Variants in SLC39A3 observed in about 807,000 individuals in gnomAD.
SLC39A3 encodes zinc transporter ZIP3.
Under a neutral mutation model 5.1 loss-of-function variants are expected in SLC39A3, and 3 were observed. The ratio of observed to expected loss-of-function variants is 0.59; its 90% CI spans 0.27 to 1.54. The LOEUF (loss-of-function observed/expected upper bound fraction) is 1.54, where lower values mean the gene tolerates loss of function less well. Among genes scored for constraint, SLC39A3 ranks in the 40% most tolerant of loss-of-function variants. The probability of loss-of-function intolerance (pLI) is 0.12; values close to 1 mark genes in which losing one functional copy is unlikely to be tolerated. For synonymous variants in SLC39A3, 250 were observed against 218.8 expected, an observed-to-expected ratio of 1.14 and a Z score of -1.26; for missense variants, 412 against 436.4, an observed-to-expected ratio of 0.94 and a Z score of 0.50.
chr19:2,732,644 C>T lies in SLC39A3; in HGVS notation c.*107G>A. The T allele has an allele frequency of 7.0e-7, 1 of 1,428,310 alleles. No homozygotes were observed. The highest frequency in any genetic ancestry group is 9.2e-7 in the Non-Finnish European group (1 of 1,092,598). The allele number at this position is 1,428,310 out of a possible 1,614,324, so 88.5% of individuals were successfully genotyped here. A position where few individuals can be genotyped will look rare whatever the true frequency, so the allele number is the denominator to read the frequency against. On this transcript the variant is annotated 3_prime_UTR_variant, in exon 3 of 3. Transcript: ENST00000269740. Reference sequence around the variant, plus strand: ...GGCCCCTTGTGCACAGGTGGTGGCCCAGGGCCACAGTGCTCGCTCTTGGGG... The same window carrying T: ...GGCCCCTTGTGCACAGGTGGTGGCCTAGGGCCACAGTGCTCGCTCTTGGGG...
In SLC39A3 at chr19:2,732,746, G is replaced by T; in HGVS notation, c.*5C>A. ...CTCCGGCGGCAGGGACAATGGCGAGGCCGCTCACCACTTGAGGAAGACCAT... is the reference window on the plus strand; with the variant it reads ...CTCCGGCGGCAGGGACAATGGCGAGTCCGCTCACCACTTGAGGAAGACCAT... On this transcript the variant is annotated 3_prime_UTR_variant, in exon 3 of 3. Transcript: ENST00000269740. 1 of 1,542,772 alleles carries T rather than the reference G, an allele frequency of 6.5e-7. No homozygotes were observed. The highest frequency in any genetic ancestry group is 1.2e-5 in the South Asian group (1 of 80,892).
rs770099377 is a variant in SLC39A3 at position 2,733,214 on chromosome 19, C to T, written c.482G>A (p.Gly161Asp). 2.1e-5 allele frequency: 33 copies of T among 1,607,466 alleles called. No homozygotes were observed. Among genetic ancestry groups the T allele is most frequent in the Admixed American group, 5.0e-5 (3 of 59,512 alleles). The change falls in exon 3 of 3, where the codon GGC becomes GAC. Residue 161 changes from glycine (G) to aspartate (D), a missense_variant. By Grantham distance (94) the Gly-to-Asp change is moderately conservative (BLOSUM62 -1). Coordinates refer to ENST00000269740, the MANE Select transcript of SLC39A3 (RefSeq NM_144564.5). The surrounding 1 kb of genome is among the most constrained non-coding windows in gnomAD (Gnocchi z 6.1). ...GCGCACGGGGCTGGCGCGCGAGAGG[C>T]CCTGCACGCTCAGGCTGGGGCCGTG... Reference protein sequence around the residue: ...HGHGPSLSVQGLSRASPVRLL... With the variant: ...HGHGPSLSVQDLSRASPVRLL...
At position 2,737,314 on chromosome 19, in the gene SLC39A3, C is replaced by A; in HGVS notation, c.-57G>T. The A allele has an allele frequency of 6.5e-7, 1 of 1,529,850 alleles. No homozygotes were observed. The highest frequency in any genetic ancestry group is 8.8e-7 in the Non-Finnish European group (1 of 1,133,940). 94.8% of individuals were successfully genotyped at this position (1,529,850 alleles called of 1,614,324 possible). A position where few individuals can be genotyped will look rare whatever the true frequency, so the allele number is the denominator to read the frequency against. The stretch of plus-strand genomic sequence containing the variant: ...GGGCCAAACCATCTGTGGGCGCACA[C>A]CCAAGTCCCACGATGTGCTACCGAG... On this transcript the variant is annotated 5_prime_UTR_variant, in exon 2 of 3. Coordinates refer to ENST00000269740, the MANE Select transcript of SLC39A3 (RefSeq NM_144564.5).
rs1276284924 is a variant in SLC39A3, at chr19:2,740,016, A to C, written c.-194T>G. 4 of 151,818 alleles carry C rather than the reference A, an allele frequency of 2.6e-5. No individual in the cohort carries two copies. The highest frequency in any genetic ancestry group is 9.7e-5 in the African/African-American group (4 of 41,276). 9.4% of individuals were successfully genotyped at this position (151,818 alleles called of 1,614,324 possible). ...CGGCCGCGCAGTCTCGACCCCACAGACGCGGCCCGGAGAGGCCCCGCTCGG... is the reference window on the plus strand; with the variant it reads ...CGGCCGCGCAGTCTCGACCCCACAGCCGCGGCCCGGAGAGGCCCCGCTCGG... On this transcript the variant is annotated 5_prime_UTR_variant, in exon 1 of 3. Coordinates refer to ENST00000269740, the MANE Select transcript of SLC39A3 (RefSeq NM_144564.5).
At chr19:2,738,132 G>C (rs1268177589) in intron 1 of SLC39A3, among the ~76,000 whole-genome samples, 1 of 146,052 alleles carries the variant, frequency 6.8e-6, no homozygotes, top group African/African-American at 2.6e-5. Context: ...CCAGGAGGCA[G>C]AGGTTGCAGT....
rs376600938 is a variant in SLC39A3 at position 2,733,370 on chromosome 19, C to A, written c.326G>T (p.Arg109Leu). The part of the protein sequence containing the change: ...VFLEQLILTF[R>L]KEKPSFIDLE... The stretch of plus-strand genomic sequence containing the variant: ...GTCGATGAAGGACGGCTTCTCCTTG[C>A]GGAAGGTCAGGATCAGCTGCTCCAG... The change falls in exon 3 of 3, where the codon CGC becomes CTC. Residue 109 changes from arginine (R) to leucine (L), a missense_variant. Transcript: ENST00000269740. The surrounding 1 kb of genome is among the most constrained non-coding windows in gnomAD (Gnocchi z 6.1). 1.2e-6 allele frequency: 2 copies of A among 1,613,236 alleles called. No individual in the cohort carries two copies. The highest frequency in any genetic ancestry group is 1.7e-6 in the Non-Finnish European group (2 of 1,180,024).
rs35127617 is a variant in SLC39A3 at position 2,737,142 on chromosome 19, C to T, written c.116G>A (p.Arg39His). The T allele has an allele frequency of 4.3e-6, 7 of 1,614,018 alleles. No homozygotes were observed. The highest frequency in any genetic ancestry group is 2.2e-5 in the East Asian group (1 of 44,888). Residue 39 changes from arginine to histidine, a missense_variant, in exon 2 of 3, where the codon CGC becomes CAC. Coordinates refer to ENST00000269740, the MANE Select transcript of SLC39A3 (RefSeq NM_144564.5). ...IIETDFEKAH[R>H]SKKILSLCNT... ...GCAGAGAGAGAGGATCTTTTTCGAG[C>T]GATGGGCCTTCTCAAAATCTGTCTC...
chr19:2,737,381 T>A lies in SLC39A3; in HGVS notation c.-122-2A>T, dbSNP rs1194829460. On this transcript the variant is annotated splice_acceptor_variant, in intron 1 of 2. Transcript: ENST00000269740. LOFTEE classifies it low-confidence loss of function (5UTR_SPLICE). Reference sequence around the variant, plus strand: ...GAGGCTCATGTCTCAGTCCAGCAACTGTGAACATCAGGGGCACTGCATTAG... The same window carrying A: ...GAGGCTCATGTCTCAGTCCAGCAACAGTGAACATCAGGGGCACTGCATTAG... The A allele has an allele frequency of 3.4e-6, 5 of 1,456,630 alleles. No homozygotes were observed. Among genetic ancestry groups the A allele is most frequent in the Non-Finnish European group, 4.5e-6 (5 of 1,099,702 alleles). 90.2% of individuals were successfully genotyped at this position (1,456,630 alleles called of 1,614,324 possible).
rs938432897 is a variant in SLC39A3, at chr19:2,734,186, C to T, written c.211-701G>A. On this transcript the variant is annotated intron_variant, in intron 2 of 2. Coordinates refer to ENST00000269740, the MANE Select transcript of SLC39A3 (RefSeq NM_144564.5). The surrounding 1 kb of genome is among the most constrained non-coding windows in gnomAD (Gnocchi z 4.6). ...GCGGACACGCAGGCATTAGGCTATGCGCCAGGATGAAATGTCTCATGAAAG... is the reference window on the plus strand; with the variant it reads ...GCGGACACGCAGGCATTAGGCTATGTGCCAGGATGAAATGTCTCATGAAAG... 3.3e-5 allele frequency among the ~76,000 whole-genome samples: 5 copies of T among 152,222 alleles called. No individual in the cohort carries two copies. The highest frequency in any genetic ancestry group is 4.1e-4 in the South Asian group (2 of 4,832).
rs1251741628 is a variant in SLC39A3 at position 2,733,213 on chromosome 19, G to A, written c.483C>T (p.Gly161=). The change falls in exon 3 of 3, where the codon GGC becomes GGT. Residue 161 remains glycine (G), a synonymous_variant. Transcript: ENST00000269740. The surrounding 1 kb of genome is among the most constrained non-coding windows in gnomAD (Gnocchi z 6.1). ...HGHGPSLSVQ[G]LSRASPVRLL... ...GGCGCACGGGGCTGGCGCGCGAGAG[G>A]CCCTGCACGCTCAGGCTGGGGCCGT... 1.2e-6 allele frequency: 2 copies of A among 1,607,770 alleles called. No individual in the cohort carries two copies. Among genetic ancestry groups the A allele is most frequent in the East Asian group, 2.2e-5 (1 of 44,736 alleles).
chr19:2,737,408 T>C, intron 1 of SLC39A3, 29 bp from the exon 2 acceptor site: 1 of 1,379,688 alleles, frequency 7.2e-7, no homozygotes, highest in Non-Finnish European at 9.6e-7. Context: ...CTGCATTAGC[T>C]TTCTTTCTTT....
At chr19:2,738,756 G>C (rs1463024033) in intron 1 of SLC39A3, among the ~76,000 whole-genome samples, 2 of 152,078 alleles carry the variant, frequency 1.3e-5, no homozygotes, top group Admixed American at 1.3e-4. Flanking sequence ...GGCCAACACA[G>C]TGAAACACTG....
In SLC39A3 at chr19:2,735,133, CG is replaced by C. The variant is rs1914320828; in HGVS notation, c.211-1649del. 1.3e-5 allele frequency: 13 copies of C among 985,148 alleles called. No individual in the cohort carries two copies. The South Asian group carries it at 5.2e-4, about 39-fold the overall frequency. 61.0% of individuals were successfully genotyped at this position (985,148 alleles called of 1,614,324 possible). ...GCCCAGGCCTGCAGTCAGAGGGTGACGGGGGTGACACCATGACCATGGGGGA... is the reference window on the plus strand; with the variant it reads ...GCCCAGGCCTGCAGTCAGAGGGTGACGGGGTGACACCATGACCATGGGGGA... On this transcript the variant is annotated intron_variant, in intron 2 of 2. Coordinates refer to ENST00000269740, the MANE Select transcript of SLC39A3 (RefSeq NM_144564.5). The surrounding 1 kb of genome is among the most constrained non-coding windows in gnomAD (Gnocchi z 5.7).
chr19:2,732,717 C>A lies in SLC39A3; in HGVS notation c.*34G>T, dbSNP rs780237095. The stretch of plus-strand genomic sequence containing the variant: ...CCTGTGTCCGGCCCGGGGCTCCCGG[C>A]GGGCTCCGGCGGCAGGGACAATGGC... On this transcript the variant is annotated 3_prime_UTR_variant, in exon 3 of 3. Coordinates refer to ENST00000269740, the MANE Select transcript of SLC39A3 (RefSeq NM_144564.5). 4 of 1,506,252 alleles carry A rather than the reference C, an allele frequency of 2.7e-6. No homozygotes were observed. The highest frequency in any genetic ancestry group is 2.7e-6 in the Non-Finnish European group (3 of 1,129,150). The allele number at this position is 1,506,252 out of a possible 1,614,324, so 93.3% of individuals were successfully genotyped here. A position where few individuals can be genotyped will look rare whatever the true frequency, so the allele number is the denominator to read the frequency against.
intron 1 of SLC39A3, 154 bp from the exon 2 acceptor site, chr19:2,737,533 G>T: frequency 2.3e-6 from 1 of 443,012 alleles, no homozygotes; most frequent in Non-Finnish European, 3.9e-6. Flanking sequence ...CTCCTGCCTA[G>T]TAGCTGGGAT....
chr19:2,738,115 C>T (rs972810880), intron 1 of SLC39A3, among the ~76,000 whole-genome samples: 12 of 147,716 alleles, frequency 8.1e-5, no homozygotes, highest in Non-Finnish European at 1.5e-4. Flanking sequence ...AAGAGAATCG[C>T]TTGAACCCAG....
rs7249309 is a variant in SLC39A3, at chr19:2,735,468, C to A, written c.210+1580G>T. The stretch of plus-strand genomic sequence containing the variant: ...CCTCCTGGTGGCTGTGGACTGAGGC[C>A]CCGTGTCCTGGCTGGCTGTTGGCGG... On this transcript the variant is annotated intron_variant, in intron 2 of 2. Coordinates refer to ENST00000269740, the MANE Select transcript of SLC39A3 (RefSeq NM_144564.5). This position sits in a 1 kb window ranked among gnomAD's most constrained non-coding sequence, Gnocchi z 5.7. 0.073 allele frequency: 11,285 copies of A among 154,502 alleles called. 861 individuals are homozygous for A. Among genetic ancestry groups the A allele is most frequent in the African/African-American group, 0.18 (7,586 of 41,462 alleles). 9.6% of individuals were successfully genotyped at this position (154,502 alleles called of 1,614,324 possible). A position where few individuals can be genotyped will look rare whatever the true frequency, so the allele number is the denominator to read the frequency against.
rs765775225 is a variant in SLC39A3, at chr19:2,733,276, G to A, written c.420C>T (p.Gly140=). The A allele has an allele frequency of 3.7e-5, 60 of 1,612,580 alleles. No homozygotes were observed. The highest frequency in any genetic ancestry group is 5.5e-5 in the South Asian group (5 of 91,092). Residue 140 remains glycine (G), a synonymous_variant, in exon 3 of 3, where the codon GGC becomes GGT. Transcript: ENST00000269740. This position sits in a 1 kb window ranked among gnomAD's most constrained non-coding sequence, Gnocchi z 6.1. ...DSEYESPFMG[G]ARGHALYVEP... ...CCACGTACAGCGCGTGGCCCCGCGC[G>A]CCCCCCATGAAGGGGCTCTCATACT... is the stretch of plus-strand genomic sequence containing the variant.
rs965295012 is a variant in SLC39A3, at chr19:2,735,185, C to T, written c.211-1700G>A. ...AAAGGGGGGCTGGCAGTGGCCTCTG[C>T]GATGCAGGAGATGTCAGAGATGACC... On this transcript the variant is annotated intron_variant, in intron 2 of 2. Transcript: ENST00000269740. This position sits in a 1 kb window ranked among gnomAD's most constrained non-coding sequence, Gnocchi z 5.7. 1.9e-5 allele frequency: 19 copies of T among 985,446 alleles called. No homozygotes were observed. The African/African-American group carries it at 2.6e-4, about 14-fold the overall frequency. The allele number at this position is 985,446 out of a possible 1,614,324, so 61.0% of individuals were successfully genotyped here. A position where few individuals can be genotyped will look rare whatever the true frequency, so the allele number is the denominator to read the frequency against.
Sources: gnomAD v4.1 joint callset for allele counts (sites outside exome capture counted in the v4.1 genomes callset) on GRCh38, gnomAD v4.1.1 for gene constraint, Gnocchi (gnomAD v3.1) non-coding constraint, MANE v1.5 for transcripts, NCBI Gene and HGNC (gene_info 2026-07-23, HGNC 2026-07-21) for gene names.